GLE1: variants seen among roughly 807,000 people sequenced by gnomAD.
GLE1 encodes the protein mRNA export factor GLE1.
In GLE1, 78 loss-of-function variants were observed where a neutral mutation model predicts 97.3. That is an observed-to-expected ratio of 0.80 (90% CI 0.67 to 0.97). GLE1 has a LOEUF of 0.97. Among genes scored for constraint, GLE1 ranks in the 50% least tolerant of loss-of-function variants. The probability of loss-of-function intolerance (pLI) is 0.00; values close to 1 mark genes in which losing one functional copy is unlikely to be tolerated. For missense variants in GLE1, 753 were observed against 857.5 expected, an observed-to-expected ratio of 0.88 and a Z score of 1.52; for synonymous variants, 302 against 313.4, an observed-to-expected ratio of 0.96 and a Z score of 0.39.
chr9:128,530,823 G>A (rs1260103124), intron 9 of GLE1, among the ~76,000 whole-genome samples: 1 of 149,794 alleles, frequency 6.7e-6, no homozygotes, highest in African/African-American at 2.5e-5. Flanking sequence ...GCAGGAAAAT[G>A]GCATGAACCC....
In GLE1 at chr9:128,508,856, A is replaced by T; in HGVS notation, c.100-20A>T. 7.3e-7 allele frequency: 1 copy of T among 1,363,138 alleles called. No homozygotes were observed. Among genetic ancestry groups the T allele is most frequent in the Non-Finnish European group, 1.1e-6 (1 of 950,866 alleles). The allele number at this position is 1,363,138 out of a possible 1,614,324, so 84.4% of individuals were successfully genotyped here. ...AACAGTTGACGTGTAAGTTGAGCTTAACCCTATTCTTTTCTCTAGGATGTT... is the reference window on the plus strand; with the variant it reads ...AACAGTTGACGTGTAAGTTGAGCTTTACCCTATTCTTTTCTCTAGGATGTT... On this transcript the variant is annotated intron_variant, in intron 1 of 15. Coordinates refer to ENST00000309971, the MANE Select transcript of GLE1 (RefSeq NM_001003722.2).
chr9:128,530,908 CA>C (rs1389989317), intron 9 of GLE1, among the ~76,000 whole-genome samples: 3,634 of 101,152 alleles, frequency 0.036, 139 homozygotes, highest in African/African-American at 0.12. Flanking sequence ...GATTCCGTCT[CA>C]AAAAAAAAAA....
At chr9:128,531,214 C>CA (rs34976261) in intron 9 of GLE1, among the ~76,000 whole-genome samples, 1,928 of 40,562 alleles carry the variant, frequency 0.048, 28 homozygotes, top group African/African-American at 0.085. Context: ...AACTCCATCT[C>CA]AAAAAAAAAA....
At chr9:128,536,179 A>C (rs1419584989) in intron 11 of GLE1, among the ~76,000 whole-genome samples, 176 bp from the exon 12 acceptor site, 7 of 152,122 alleles carry the variant, frequency 4.6e-5, no homozygotes, top group African/African-American at 1.7e-4. Context: ...ACAAACAGGC[A>C]TGCACCACCA....
At chr9:128,538,888 C>T (rs1847804991) in intron 13 of GLE1, among the ~76,000 whole-genome samples, 1 of 152,110 alleles carries the variant, frequency 6.6e-6, no homozygotes, top group African/African-American at 2.4e-5. Flanking sequence ...AGAAGAAAGC[C>T]TTGGGGTACA....
rs750577935 is a variant in GLE1, at chr9:128,504,904, G to A, written c.99G>A (p.Glu33=). The A allele has an allele frequency of 1.9e-6, 3 of 1,599,360 alleles. No individual in the cohort carries two copies. Among genetic ancestry groups the A allele is most frequent in the South Asian group, 1.1e-5 (1 of 90,846 alleles). ...ACCGCGACTGGCTGCTGCGGCGCGA[G>A]GTGAGCGGTGGCCCCGGAGGACGTA... The part of the protein sequence containing the change: ...CYYRDWLLRR[E]DVLEECMSLP... The change falls in exon 1 of 16, where the codon GAG becomes GAA. Residue 33 remains glutamate, a splice_region_variant and synonymous_variant. Transcript: ENST00000309971.
Position 128,540,332 on chromosome 9 carries a change from C to G in GLE1, c.2022C>G (p.Phe674Leu). The G allele has an allele frequency of 1.2e-6, 2 of 1,603,756 alleles. No homozygotes were observed. The highest frequency in any genetic ancestry group is 1.7e-6 in the Non-Finnish European group (2 of 1,170,612). ...GCTCCTTCATACGCCTCAAGCAGTTCTTGGAGGTAAGATGCCCTTAGACCA... is the reference window on the plus strand; with the variant it reads ...GCTCCTTCATACGCCTCAAGCAGTTGTTGGAGGTAAGATGCCCTTAGACCA... The part of the protein sequence containing the change: ...QMGSFIRLKQ[F>L]LEKCLQHKDI... The change falls in exon 15 of 16, where the codon TTC becomes TTG. Residue 674 changes from phenylalanine (F) to leucine (L), a missense_variant. Phe to Leu is a conservative substitution (Grantham distance 22). Transcript: ENST00000309971.
intron 3 of GLE1, among the ~76,000 whole-genome samples, chr9:128,517,463 C>T (rs901643584): frequency 2.0e-5 from 3 of 152,072 alleles, no homozygotes; most frequent in Non-Finnish European, 2.9e-5. Flanking sequence ...CAGAAGTAAA[C>T]AAGAGAAATA....
chr9:128,518,019 A>G (rs1363291122), intron 3 of GLE1, among the ~76,000 whole-genome samples: 1 of 152,176 alleles, frequency 6.6e-6, no homozygotes, highest in Non-Finnish European at 1.5e-5. Context: ...TTCAAGGGGA[A>G]TAATCAGAAA....
At chr9:128,518,320 G>A (rs916491168) in intron 3 of GLE1, among the ~76,000 whole-genome samples, 3 of 152,152 alleles carry the variant, frequency 2.0e-5, no homozygotes, top group African/African-American at 4.8e-5. Flanking sequence ...CAGCACTTTC[G>A]GAGGCCGAGG....
intron 12 of GLE1, among the ~76,000 whole-genome samples, chr9:128,537,229 G>A (rs1336718421): frequency 1.3e-5 from 2 of 151,708 alleles, no homozygotes; most frequent in Non-Finnish European, 1.5e-5. Flanking sequence ...GAGGTGGGTG[G>A]ATCACCTAAG....
intron 5 of GLE1, 64 bp downstream of exon 5, chr9:128,523,404 A>G: frequency 2.7e-6 from 4 of 1,470,390 alleles, no homozygotes; most frequent in Non-Finnish European, 1.9e-6. Context: ...CTGGAGAGCC[A>G]GGTTTTGGCA....
At chr9:128,512,156 A>T (rs1846844086) in intron 2 of GLE1, among the ~76,000 whole-genome samples, 1 of 152,180 alleles carries the variant, frequency 6.6e-6, no homozygotes, top group South Asian at 2.1e-4. Flanking sequence ...GCAGAACTGT[A>T]GAGAAGGAGA....
At chr9:128,529,855 C>T (rs1363541508) in intron 9 of GLE1, among the ~76,000 whole-genome samples, 1 of 151,940 alleles carries the variant, frequency 6.6e-6, no homozygotes, top group Non-Finnish European at 1.5e-5. Context: ...CGGCTCAGTG[C>T]AAGCTCCACC....
At chr9:128,514,515 G>T (rs1035688385) in intron 2 of GLE1, among the ~76,000 whole-genome samples, 10 of 146,366 alleles carry the variant, frequency 6.8e-5, no homozygotes, top group African/African-American at 2.5e-4. Context: ...CGATCTCTGC[G>T]CACTGCAAGC....
chr9:128,528,333 T>C (rs1339688265), intron 9 of GLE1, among the ~76,000 whole-genome samples: 1 of 147,260 alleles, frequency 6.8e-6, no homozygotes, highest in African/African-American at 2.5e-5. Flanking sequence ...AGATGTAGTC[T>C]TGCTCTGTCA....
chr9:128,512,384 C>G (rs1463182956), intron 2 of GLE1, among the ~76,000 whole-genome samples: 2 of 152,074 alleles, frequency 1.3e-5, no homozygotes, highest in African/African-American at 4.8e-5. Flanking sequence ...GTACCAATAT[C>G]AATTTACTGG....
In GLE1 at chr9:128,541,203, CAA is replaced by C. The variant is rs1406283095; in HGVS notation, c.*35_*36del. On this transcript the variant is annotated 3_prime_UTR_variant, in exon 16 of 16. Transcript: ENST00000309971. ...CCATCACCCACCATCACCGCTGCTG[CAA>C]AGAGGCAATAATAAAGGAACTGAAG... is the stretch of plus-strand genomic sequence containing the variant. 1 of 1,190,364 alleles carries C rather than the reference CAA, an allele frequency of 8.4e-7. No individual in the cohort carries two copies. The highest frequency in any genetic ancestry group is 1.2e-5 in the South Asian group (1 of 82,608). The allele number at this position is 1,190,364 out of a possible 1,614,324, so 73.7% of individuals were successfully genotyped here.
chr9:128,535,681 G>T (rs151171089), intron 11 of GLE1, among the ~76,000 whole-genome samples: 4,106 of 152,090 alleles, frequency 0.027, 101 homozygotes, highest in African/African-American at 0.065. Context: ...AATTAGCCAG[G>T]TGTGGTGGCA....
Sources: allele counts gnomAD v4.1 joint callset (sites outside exome capture counted in the v4.1 genomes callset), GRCh38; gene constraint gnomAD v4.1.1; transcripts MANE v1.5; gene names NCBI Gene and HGNC (gene_info 2026-07-23, HGNC 2026-07-21).